HCK: variants seen among roughly 807,000 people sequenced by gnomAD.
The protein encoded by HCK is HCK proto-oncogene, Src family tyrosine kinase, also known as tyrosine-protein kinase HCK.
HCK carries 40 observed loss-of-function variants against 70.4 expected under a neutral mutation model. That is an observed-to-expected ratio of 0.57 (90% CI 0.44 to 0.74). HCK has a LOEUF of 0.74. HCK is among the 30% of genes least tolerant of loss of function. The pLI is 0.00. For synonymous variants in HCK, 245 were observed against 263.2 expected (o/e 0.93, Z 0.67); for missense variants, 568 against 697.2 (o/e 0.81, Z 2.09).
At position 32,079,888 on chromosome 20, in the gene HCK, C is replaced by T; in HGVS notation, c.532+11C>T. On this transcript the variant is annotated intron_variant, in intron 6 of 12. Coordinates refer to ENST00000375852, the MANE Select transcript of HCK (RefSeq NM_002110.5). Reference sequence around the variant, plus strand: ...GCGAGACCACTAAAGGTGACACCAGCCCTCCCCACCTTGTCCTCCCTGCCG... The same window carrying T: ...GCGAGACCACTAAAGGTGACACCAGTCCTCCCCACCTTGTCCTCCCTGCCG... 2.5e-6 allele frequency: 4 copies of T among 1,580,188 alleles called. No individual in the cohort carries two copies. The highest frequency in any genetic ancestry group is 3.5e-6 in the Non-Finnish European group (4 of 1,149,596).
rs2045181794 is a variant in HCK, at chr20:32,052,264, G to C, written c.-161G>C. On this transcript the variant is annotated 5_prime_UTR_variant, in exon 1 of 13. Transcript: ENST00000375852. The stretch of plus-strand genomic sequence containing the variant: ...GCCACCACGTCCCTGGTCCCAGCTC[G>C]GGAGCACATCAGAGGCTTAGAGGCG... The C allele has an allele frequency of 8.0e-6, 4 of 502,510 alleles. No homozygotes were observed. Among genetic ancestry groups the C allele is most frequent in the Middle Eastern group, 3.4e-4 (1 of 2,930 alleles). 31.1% of individuals were successfully genotyped at this position (502,510 alleles called of 1,614,324 possible).
intron 1 of HCK, among the ~76,000 whole-genome samples, chr20:32,059,296 C>CTTCCTTCCTTCCTTCT (rs200298183): frequency 6.7e-6 from 1 of 149,802 alleles, no homozygotes; most frequent in Non-Finnish European, 1.5e-5. Context: ...TCCTTCCTTC[C>CTTCCTTCCTTCCTTCT]CTCCCTCCCT....
In HCK at chr20:32,093,858, T is replaced by C. The variant is rs747107038; in HGVS notation, c.1093-5T>C. On this transcript the variant is annotated splice_region_variant and splice_polypyrimidine_tract_variant and intron_variant, in intron 10 of 12. Coordinates refer to ENST00000375852, the MANE Select transcript of HCK (RefSeq NM_002110.5). The stretch of plus-strand genomic sequence containing the variant: ...AGGACAAAGGTGTCTCTGTTTGGGG[T>C]GCAGATTGCAGAAGGCATGGCCTTC... 2.8e-5 allele frequency: 45 copies of C among 1,609,096 alleles called. No homozygotes were observed. The highest frequency in any genetic ancestry group is 3.7e-5 in the Non-Finnish European group (43 of 1,177,660).
chr20:32,094,777 G>GAA lies in HCK; in HGVS notation c.1246+762_1246+763insAA, dbSNP rs879408977. On this transcript the variant is annotated intron_variant, in intron 11 of 12. Coordinates refer to ENST00000375852, the MANE Select transcript of HCK (RefSeq NM_002110.5). ...AGAAAGAAAGAAGGAAAGAAAGAAA[G>GAA]AGAGAGAAAGAGAAAGAAAGAAAGA... 3.3e-3 allele frequency among the ~76,000 whole-genome samples: 340 copies of GAA among 102,588 alleles called. 15 individuals carry two copies. Among genetic ancestry groups the GAA allele is most frequent in the African/African-American group, 5.9e-3 (129 of 21,980 alleles). 67.3% of individuals were successfully genotyped at this position (102,588 alleles called of 152,430 possible).
At chr20:32,098,007 G>C (rs2045979874) in intron 11 of HCK, among the ~76,000 whole-genome samples, 1 of 151,598 alleles carries the variant, frequency 6.6e-6, no homozygotes, top group African/African-American at 2.4e-5. Context: ...ATAAAACACT[G>C]TCTCTACAAA....
At chr20:32,061,310 A>G (rs1358362195) in intron 1 of HCK, among the ~76,000 whole-genome samples, 2 of 152,198 alleles carry the variant, frequency 1.3e-5, no homozygotes, top group African/African-American at 4.8e-5. Context: ...AAGTTTGTCA[A>G]GGCTGTTAAG....
intron 6 of HCK, among the ~76,000 whole-genome samples, chr20:32,080,476 C>T (rs1459337620): frequency 1.3e-5 from 2 of 152,002 alleles, no homozygotes; most frequent in African/African-American, 2.4e-5. Context: ...AGATTACAGG[C>T]GTGAGCCACT....
chr20:32,094,582 G>A (rs760325727), intron 11 of HCK, among the ~76,000 whole-genome samples: 5 of 151,842 alleles, frequency 3.3e-5, no homozygotes, highest in African/African-American at 4.8e-5. Flanking sequence ...TGGCTACTCA[G>A]GAGGTTAGGG....
intron 5 of HCK, among the ~76,000 whole-genome samples, chr20:32,077,144 G>T (rs939201164): frequency 1.3e-5 from 2 of 152,096 alleles, no homozygotes; most frequent in Non-Finnish European, 2.9e-5. Flanking sequence ...GGCACTCAGG[G>T]GTCCTTGTGT....
intron 9 of HCK, 143 bp downstream of exon 9, chr20:32,086,950 TA>T (rs1478875359): frequency 5.6e-6 from 4 of 709,812 alleles, no homozygotes; most frequent in African/African-American, 1.9e-5. Context: ...ATTGAGAATC[TA>T]ATGTGGAACA....
At chr20:32,081,721 G>A (rs947239638) in intron 6 of HCK, among the ~76,000 whole-genome samples, 4 of 152,184 alleles carry the variant, frequency 2.6e-5, no homozygotes, top group Non-Finnish European at 5.9e-5. Context: ...AAGCCCCCAG[G>A]GGGAAGAAAA....
rs569482301 is a variant in HCK, at chr20:32,078,163, T to G, written c.429-1611T>G. Among the ~76,000 whole-genome samples, 4 of 151,578 alleles carry G rather than the reference T, an allele frequency of 2.6e-5. No homozygotes were observed. In the East Asian group the frequency reaches 7.7e-4, roughly 29 times the overall value. On this transcript the variant is annotated intron_variant, in intron 5 of 12. Transcript: ENST00000375852. ...CATTCTCCTGCCTCAGCCTCCCGAG[T>G]AGCTGGGACTACAGGCTCCTGCCAC...
intron 1 of HCK, among the ~76,000 whole-genome samples, chr20:32,059,421 CTT>C (rs1421429584): frequency 4.0e-5 from 6 of 148,224 alleles, no homozygotes; most frequent in South Asian, 2.1e-4. Context: ...CTCTCTCTCT[CTT>C]TCTTTCTTTT....
chr20:32,065,778 G>A (rs918890630), intron 1 of HCK, among the ~76,000 whole-genome samples: 1 of 152,156 alleles, frequency 6.6e-6, no homozygotes, highest in African/African-American at 2.4e-5. Context: ...GCCAATTCCT[G>A]AAGGCAAGGG....
intron 1 of HCK, among the ~76,000 whole-genome samples, chr20:32,052,907 G>T (rs2045202481): frequency 6.6e-6 from 1 of 152,056 alleles, no homozygotes; most frequent in Non-Finnish European, 1.5e-5. Flanking sequence ...CGCCGGGTTG[G>T]CAGCCAGCTT....
chr20:32,084,029 T>G lies in HCK; in HGVS notation c.668T>G (p.Val223Gly). ...ACCTTCAGCACTCTGCAGGAGCTGGTGGACCACTACAAGAGTGAGTCCCAC... is the reference window on the plus strand; with the variant it reads ...ACCTTCAGCACTCTGCAGGAGCTGGGGGACCACTACAAGAGTGAGTCCCAC... Residue 223 changes from valine (V) to glycine (G), a missense_variant, in exon 7 of 13, where the codon GTG (valine) becomes GGG (glycine). Around this residue, in one of 4 missense-constraint regions of HCK, gnomAD observed 318 missense variants for 336.0 expected, o/e 0.95. Transcript: ENST00000375852. 6.2e-7 allele frequency: 1 copy of G among 1,613,876 alleles called. No homozygotes were observed. The highest frequency in any genetic ancestry group is 1.1e-5 in the South Asian group (1 of 91,074).
Position 32,088,593 on chromosome 20 carries a change from T to A in HCK, c.1041T>A (p.Ser347Arg), listed in dbSNP as rs1211911241. 6.2e-7 allele frequency: 1 copy of A among 1,613,688 alleles called. No homozygotes were observed. Among genetic ancestry groups the A allele is most frequent in the Admixed American group, 1.7e-5 (1 of 59,942 alleles). ...GAAGCTTGCTGGACTTTCTGAAAAGTGATGAGGGCAGCAAGCAGCCATTGC... is the reference window on the plus strand; with the variant it reads ...GAAGCTTGCTGGACTTTCTGAAAAGAGATGAGGGCAGCAAGCAGCCATTGC... The change falls in exon 10 of 13, where the codon AGT becomes AGA. Residue 347 changes from serine to arginine, a missense_variant. Ser to Arg is a moderately radical substitution (Grantham distance 110, BLOSUM62 -1). Coordinates refer to ENST00000375852, the MANE Select transcript of HCK (RefSeq NM_002110.5).
In HCK at chr20:32,099,058, TCAC is replaced by T. The variant is rs746177618; in HGVS notation, c.1304_1306del (p.Thr435del). Reference sequence around the variant, plus strand: ...CCTGAAGCCATCAACTTTGGCTCCTTCACCATCAAGTCAGACGTCTGGTCCTTT... The same window carrying T: ...CCTGAAGCCATCAACTTTGGCTCCTTCATCAAGTCAGACGTCTGGTCCTTT... On this transcript the variant is annotated inframe_deletion, in exon 12 of 13. Coordinates refer to ENST00000375852, the MANE Select transcript of HCK (RefSeq NM_002110.5). 1.2e-6 allele frequency: 2 copies of T among 1,614,176 alleles called. No homozygotes were observed. The highest frequency in any genetic ancestry group is 3.3e-5 in the Admixed American group (2 of 60,016).
At chr20:32,069,473 C>G (rs183386953) in intron 1 of HCK, among the ~76,000 whole-genome samples, 1 of 152,276 alleles carries the variant, frequency 6.6e-6, no homozygotes, top group South Asian at 2.1e-4. Context: ...CCAAAACACA[C>G]GAAATGTGAT....
Sources: gnomAD v4.1 joint callset for allele counts (sites outside exome capture counted in the v4.1 genomes callset) on GRCh38, gnomAD v4.1.1 for gene constraint, gnomAD v4.1.1 regional missense constraint, MANE v1.5 for transcripts, NCBI Gene and HGNC (gene_info 2026-07-23, HGNC 2026-07-21) for gene names.